Variants in COL5A2 observed in about 807,000 individuals in gnomAD.
COL5A2 encodes collagen alpha-2(V) chain.
Under a neutral mutation model 208.2 loss-of-function variants are expected in COL5A2, and 23 were observed. That is an observed-to-expected ratio of 0.11 (90% CI 0.08 to 0.16). The LOEUF is 0.16. COL5A2 is among the 10% of genes least tolerant of loss of function. The probability of loss-of-function intolerance (pLI) is 1.00; values close to 1 mark genes in which losing one functional copy is unlikely to be tolerated. For missense variants in COL5A2, 1,590 were observed against 1,956.4 expected (o/e 0.81, Z 3.53); for synonymous variants, 625 against 628.5 (o/e 0.99, Z 0.08).
At chr2:189,398,664 A>T in the COL5A2 span, among the ~76,000 whole-genome samples, 152 of 152,038 alleles carry the variant, frequency 1.0e-3, no homozygotes, top group Admixed American at 2.0e-3. Context: ...CTTATATTTA[A>T]CCTCTGAGTA....
chr2:189,059,921 T>A (rs1457143152), intron 31 of COL5A2, among the ~76,000 whole-genome samples: 2 of 152,166 alleles, frequency 1.3e-5, no homozygotes, highest in East Asian at 3.9e-4. Context: ...ACTCTAATGA[T>A]GAAGAACAAA....
the COL5A2 span, among the ~76,000 whole-genome samples, chr2:189,378,232 G>C: frequency 6.6e-6 from 1 of 152,084 alleles, no homozygotes; most frequent in Non-Finnish European, 1.5e-5. Flanking sequence ...ATATGAGGCA[G>C]TTTAGACAAC....
chr2:189,431,415 T>A, the COL5A2 span, among the ~76,000 whole-genome samples: 1 of 152,094 alleles, frequency 6.6e-6, no homozygotes. Flanking sequence ...AGAGCATGTT[T>A]TAACCCATCA....
the COL5A2 span, among the ~76,000 whole-genome samples, chr2:189,370,934 GA>G: frequency 2.0e-5 from 3 of 152,160 alleles, no homozygotes; most frequent in Admixed American, 2.0e-4. Context: ...ATTTCGTGTT[GA>G]AATGTAGTCC....
intron 1 of COL5A2, among the ~76,000 whole-genome samples, chr2:189,151,460 T>G (rs1688140041): frequency 6.6e-6 from 1 of 152,170 alleles, no homozygotes; most frequent in Non-Finnish European, 1.5e-5. Context: ...GACTGTCTTT[T>G]CTGTTGAATC....
At chr2:189,291,943 TAG>T in the COL5A2 span, among the ~76,000 whole-genome samples, 1 of 152,208 alleles carries the variant, frequency 6.6e-6, no homozygotes, top group South Asian at 2.1e-4. Flanking sequence ...GTTATAAAAA[TAG>T]AGAGTCTAAT....
At chr2:189,192,368 G>A (rs1430675021) in intron 1 of COL5A2, among the ~76,000 whole-genome samples, 1 of 152,122 alleles carries the variant, frequency 6.6e-6, no homozygotes. Flanking sequence ...TATTCTCTCT[G>A]GAAGTAGGTC....
At chr2:189,438,675 G>T in the COL5A2 span, among the ~76,000 whole-genome samples, 1 of 152,206 alleles carries the variant, frequency 6.6e-6, no homozygotes, top group African/African-American at 2.4e-5. Context: ...AGGTCTTGGG[G>T]AGGGGAAGGA....
At chr2:189,319,410 T>A in the COL5A2 span, among the ~76,000 whole-genome samples, 1 of 152,230 alleles carries the variant, frequency 6.6e-6, no homozygotes, top group African/African-American at 2.4e-5. Flanking sequence ...TAATTCCCTT[T>A]CATAGCCAAG....
At chr2:189,256,301 A>G in the COL5A2 span, among the ~76,000 whole-genome samples, 2 of 152,220 alleles carry the variant, frequency 1.3e-5, no homozygotes, top group African/African-American at 4.8e-5. Context: ...AAACAGGAAG[A>G]GTTTCAAGTA....
rs191866522 is a variant in COL5A2, at chr2:189,191,055, T to A, written c.-42+34093A>T. Among the ~76,000 whole-genome samples the A allele has an allele frequency of 7.6e-4, 115 of 151,352 alleles. No homozygotes were observed. In the South Asian group the frequency reaches 9.8e-3, roughly 13 times the overall value. ...AGTCACAAGGAACTTGGAAAGAGGT[T>A]CTGGATGTGATAGGATTTAAGCAGA... On this transcript the variant is annotated intron_variant, in intron 1 of 10. Coordinates refer to the COL5A2 transcript ENST00000649966.
the COL5A2 span, among the ~76,000 whole-genome samples, chr2:189,303,180 C>G: frequency 2.0e-5 from 3 of 152,132 alleles, no homozygotes; most frequent in Non-Finnish European, 4.4e-5. Flanking sequence ...GGGTGGAAGA[C>G]ATAAACAGAA....
the COL5A2 span, among the ~76,000 whole-genome samples, chr2:189,413,282 A>G: frequency 6.6e-6 from 1 of 152,204 alleles, no homozygotes; most frequent in Non-Finnish European, 1.5e-5. Flanking sequence ...ACATCTATGA[A>G]TGTATGTAAA....
At chr2:189,177,213 AG>A (rs1379492464) in intron 1 of COL5A2, among the ~76,000 whole-genome samples, 1 of 152,240 alleles carries the variant, frequency 6.6e-6, no homozygotes, top group Non-Finnish European at 1.5e-5. Context: ...TGACTGTTAT[AG>A]ATAAAATTTG....
chr2:189,148,855 T>G (rs1408482547), intron 1 of COL5A2, among the ~76,000 whole-genome samples: 1 of 152,176 alleles, frequency 6.6e-6, no homozygotes, highest in Non-Finnish European at 1.5e-5. Flanking sequence ...AAATACTGAT[T>G]ATGGCCTGGT....
the COL5A2 span, among the ~76,000 whole-genome samples, chr2:189,272,570 T>C: frequency 2.0e-5 from 3 of 152,118 alleles, no homozygotes; most frequent in Non-Finnish European, 4.4e-5. Flanking sequence ...AGATGATGAA[T>C]TGATGAGTGC....
the COL5A2 span, among the ~76,000 whole-genome samples, chr2:189,365,611 C>T: frequency 6.6e-6 from 1 of 152,216 alleles, no homozygotes; most frequent in Non-Finnish European, 1.5e-5. Flanking sequence ...TATCTTATGG[C>T]TGCACTGGGG....
chr2:189,239,766 T>G, the COL5A2 span, among the ~76,000 whole-genome samples: 2 of 151,462 alleles, frequency 1.3e-5, no homozygotes, highest in Non-Finnish European at 2.9e-5. Context: ...ACTTAAAGTA[T>G]AATAATAATA....
At chr2:189,249,993 C>G in the COL5A2 span, among the ~76,000 whole-genome samples, 2 of 152,230 alleles carry the variant, frequency 1.3e-5, no homozygotes. Context: ...CCACTGTGCC[C>G]AGCCTATCTG....
Sources: gnomAD v4.1 joint callset for allele counts (sites outside exome capture counted in the v4.1 genomes callset) on GRCh38, gnomAD v4.1.1 for gene constraint, MANE v1.5 for transcripts, NCBI Gene and HGNC (gene_info 2026-07-23, HGNC 2026-07-21) for gene names.